UST: variants seen among roughly 807,000 people sequenced by gnomAD.
UST encodes chondroitin sulfate 2-O-sulfotransferase.
UST carries 21 observed loss-of-function variants against 45.6 expected under a neutral mutation model. The ratio of observed to expected loss-of-function variants is 0.46; its 90% CI spans 0.33 to 0.66. The LOEUF is 0.66. Among genes scored for constraint, UST ranks in the 30% least tolerant of loss-of-function variants. The probability of loss-of-function intolerance (pLI) is 0.02; values close to 1 mark genes in which losing one functional copy is unlikely to be tolerated. For missense variants in UST, 463 were observed against 512.4 expected (o/e 0.90, Z 0.93); for synonymous variants, 215 against 200.6 (o/e 1.07, Z -0.61).
At chr6:149,021,557 G>A (rs1216638416) in intron 7 of UST, 76 bp downstream of exon 7, 1 of 1,514,702 alleles carries the variant, frequency 6.6e-7, no homozygotes, top group Non-Finnish European at 9.0e-7. Context: ...AAGGCCTCAG[G>A]AAATAAAGGA....
At chr6:149,022,445 C>G (rs1775993888) in intron 7 of UST, among the ~76,000 whole-genome samples, 1 of 151,984 alleles carries the variant, frequency 6.6e-6, no homozygotes, top group African/African-American at 2.4e-5. Context: ...ACTAAAAATA[C>G]AACAATTAGC....
chr6:149,006,088 T>A (rs1431489500), intron 5 of UST, among the ~76,000 whole-genome samples: 1 of 152,348 alleles, frequency 6.6e-6, no homozygotes, highest in East Asian at 1.9e-4. Context: ...CCATATTTTA[T>A]GAATTTTATT....
intron 1 of UST, among the ~76,000 whole-genome samples, chr6:148,816,167 A>G (rs1182608504): frequency 1.3e-5 from 2 of 152,204 alleles, no homozygotes; most frequent in Non-Finnish European, 1.5e-5. Flanking sequence ...TGCACACTTG[A>G]GTTAAAATTC....
chr6:148,927,091 C>T (rs1779829381), intron 2 of UST, among the ~76,000 whole-genome samples: 1 of 151,888 alleles, frequency 6.6e-6, no homozygotes, highest in African/African-American at 2.4e-5. Context: ...ATTCATCCAT[C>T]ATTCAGTTGT....
At chr6:148,997,538 A>G (rs1781474042) in intron 5 of UST, among the ~76,000 whole-genome samples, 1 of 152,216 alleles carries the variant, frequency 6.6e-6, no homozygotes, top group African/African-American at 2.4e-5. Context: ...TCCTTACAGA[A>G]TGTTCTCTAA....
At chr6:148,847,376 T>C (rs1778011470) in intron 1 of UST, among the ~76,000 whole-genome samples, 2 of 152,362 alleles carry the variant, frequency 1.3e-5, no homozygotes, top group East Asian at 1.9e-4. Flanking sequence ...GGCTGGTGGA[T>C]TGTGGGCCTC....
chr6:149,015,929 G>A (rs1229778153), intron 5 of UST, among the ~76,000 whole-genome samples: 3 of 152,168 alleles, frequency 2.0e-5, no homozygotes, highest in African/African-American at 2.4e-5. Flanking sequence ...TGCTAAGAGT[G>A]GACTGGGTAG....
At chr6:149,062,377 G>T (rs1344498204) in intron 7 of UST, among the ~76,000 whole-genome samples, 1 of 152,204 alleles carries the variant, frequency 6.6e-6, no homozygotes, top group African/African-American at 2.4e-5. Context: ...TGCCCTTTGG[G>T]TTAATCCAGT....
chr6:148,973,673 T>A (rs975908951), intron 5 of UST, among the ~76,000 whole-genome samples: 34 of 152,260 alleles, frequency 2.2e-4, no homozygotes, highest in Non-Finnish European at 4.0e-4. Context: ...CATGCCTCTA[T>A]AGTTGTCCTC....
chr6:148,987,790 T>G (rs1380433277), intron 5 of UST, among the ~76,000 whole-genome samples: 1 of 152,070 alleles, frequency 6.6e-6, no homozygotes, highest in Non-Finnish European at 1.5e-5. Flanking sequence ...GCCATGACAC[T>G]AACACTGCAG....
chr6:148,995,310 G>A (rs1053384321), intron 5 of UST, among the ~76,000 whole-genome samples: 2 of 152,156 alleles, frequency 1.3e-5, no homozygotes, highest in African/African-American at 4.8e-5. Flanking sequence ...GGCATGAGCC[G>A]CTGCGCCCAG....
At chr6:148,980,640 C>T (rs1203378751) in intron 5 of UST, among the ~76,000 whole-genome samples, 5 of 152,212 alleles carry the variant, frequency 3.3e-5, no homozygotes, top group African/African-American at 1.2e-4. Context: ...AAGCTTCTGA[C>T]ATCATCTTTC....
chr6:148,815,763 C>T (rs1366566523), intron 1 of UST, among the ~76,000 whole-genome samples: 1 of 152,116 alleles, frequency 6.6e-6, no homozygotes, highest in Non-Finnish European at 1.5e-5. Flanking sequence ...ATCAGTGTTT[C>T]TCATGTTTTT....
intron 1 of UST, among the ~76,000 whole-genome samples, chr6:148,810,948 G>A (rs1411934878): frequency 1.3e-5 from 2 of 152,200 alleles, no homozygotes; most frequent in African/African-American, 2.4e-5. Context: ...ATTGACATAT[G>A]TAAGGTGATG....
intron 2 of UST, among the ~76,000 whole-genome samples, chr6:148,924,046 C>G (rs2114900587): frequency 6.6e-6 from 1 of 152,220 alleles, no homozygotes; most frequent in South Asian, 2.1e-4. Flanking sequence ...CCTGACAAAT[C>G]CAAGTGCTTA....
chr6:149,012,845 G>A (rs926252325), intron 5 of UST, among the ~76,000 whole-genome samples: 1 of 151,674 alleles, frequency 6.6e-6, no homozygotes, highest in African/African-American at 2.4e-5. Flanking sequence ...ACCAGGAATG[G>A]TGTTTTTGAA....
rs186526934 is a variant in UST, at chr6:148,825,851, A to G, written c.248-61135A>G. Reference sequence around the variant, plus strand: ...TCTGGGAAAAGAGGAAATACAGGGAAGGTTGGCCTCAGTGTGAATTTCTAC... The same window carrying G: ...TCTGGGAAAAGAGGAAATACAGGGAGGGTTGGCCTCAGTGTGAATTTCTAC... On this transcript the variant is annotated intron_variant, in intron 1 of 7. Coordinates refer to ENST00000367463, the MANE Select transcript of UST (RefSeq NM_005715.3). Among the ~76,000 whole-genome samples the G allele has an allele frequency of 1.0e-3, 158 of 152,318 alleles. 4 individuals carry two copies. Among genetic ancestry groups the G allele is most frequent in the African/African-American group, 3.6e-3 (148 of 41,566 alleles).
chr6:148,993,812 A>C (rs1582948812), intron 5 of UST, among the ~76,000 whole-genome samples: 1 of 151,992 alleles, frequency 6.6e-6, no homozygotes, highest in South Asian at 2.1e-4. Flanking sequence ...CTCCCACTTC[A>C]CCTTCTGCCA....
At chr6:148,833,278 G>A (rs1258971723) in intron 1 of UST, among the ~76,000 whole-genome samples, 1 of 152,094 alleles carries the variant, frequency 6.6e-6, no homozygotes, top group Non-Finnish European at 1.5e-5. Flanking sequence ...GCTCGAGTTC[G>A]GGAGTTGGAG....
Sources: allele counts gnomAD v4.1 joint callset (sites outside exome capture counted in the v4.1 genomes callset), GRCh38; gene constraint gnomAD v4.1.1; transcripts MANE v1.5; gene names NCBI Gene and HGNC (gene_info 2026-07-23, HGNC 2026-07-21).